The following ZFC3H1 variants were observed in gnomAD, a reference collection of about 807,000 sequenced individuals.
ZFC3H1 encodes zinc finger C3H1-type containing, also known as zinc finger C3H1 domain-containing protein.
In ZFC3H1, 71 loss-of-function variants were observed where a neutral mutation model predicts 243.7. The observed-to-expected ratio is 0.29, with a 90% CI of 0.24 to 0.36. The LOEUF (loss-of-function observed/expected upper bound fraction) is 0.36. Ranked by LOEUF, ZFC3H1 falls within the 10% of genes least tolerant of loss-of-function variation. The pLI, the probability that ZFC3H1 is intolerant of heterozygous loss-of-function variation, is 1.00. For missense variants in ZFC3H1, 1,966 were observed against 2,317.1 expected, an observed-to-expected ratio of 0.85 and a Z score of 3.11; for synonymous variants, 838 against 813.0, an observed-to-expected ratio of 1.03 and a Z score of -0.52.
rs1411856733 is a variant in ZFC3H1 at position 71,644,884 on chromosome 12, GCTAA to G, written c.1268_1271del (p.Val423AlafsTer8). On this transcript the variant is annotated frameshift_variant, in exon 4 of 35. Transcript: ENST00000378743. LOFTEE classifies it high-confidence loss of function. ...TTTAATAAAAATGATCACCTGTAGTGCTAACTTTTTTGGCCGAATGTGTTTTTGT... is the reference window on the plus strand; with the variant it reads ...TTTAATAAAAATGATCACCTGTAGTGCTTTTTTGGCCGAATGTGTTTTTGT... 4 of 1,611,056 alleles carry G rather than the reference GCTAA, an allele frequency of 2.5e-6. No homozygotes were observed. Among genetic ancestry groups the G allele is most frequent in the Non-Finnish European group, 1.7e-6 (2 of 1,179,740 alleles).
At chr12:71,613,191 T>C (rs1879814241) in intron 31 of ZFC3H1, 144 bp downstream of exon 31, 1 of 551,240 alleles carries the variant, frequency 1.8e-6, no homozygotes, top group African/African-American at 2.0e-5. Context: ...AAATATTGGC[T>C]TAACAACTCT....
intron 21 of ZFC3H1, 139 bp from the exon 22 acceptor site, chr12:71,626,585 G>A (rs1226879243): frequency 5.4e-6 from 4 of 746,266 alleles, no homozygotes; most frequent in South Asian, 5.7e-5. Context: ...TATGAAAAGG[G>A]GTACTAGATT....
At chr12:71,611,436 G>A (rs1879766952) in intron 32 of ZFC3H1, 1 of 148,836 alleles carries the variant, frequency 6.7e-6, no homozygotes, top group Non-Finnish European at 1.4e-5. Flanking sequence ...AAAGAAAGAA[G>A]AAATCAGACT....
At position 71,663,789 on chromosome 12, in the gene ZFC3H1, G is replaced by C. The variant is rs932075083; in HGVS notation, c.-179C>G. ...CCAGCACCCCAGCTCTCTCTCGCCG[G>C]ACCGTCGCAACCCAGTTCCCTTTCC... On this transcript the variant is annotated 5_prime_UTR_variant, in exon 1 of 35. Coordinates refer to ENST00000378743, the MANE Select transcript of ZFC3H1 (RefSeq NM_144982.5). 10 of 689,888 alleles carry C rather than the reference G, an allele frequency of 1.4e-5. 1 individual carries two copies. In the Admixed American group the frequency reaches 2.9e-4, roughly 20 times the overall value. The allele number at this position is 689,888 out of a possible 1,614,324, so 42.7% of individuals were successfully genotyped here. A position where few individuals can be genotyped will look rare whatever the true frequency, so the allele number is the denominator to read the frequency against.
rs747986839 is a variant in ZFC3H1, at chr12:71,663,299, G to A, written c.312C>T (p.Tyr104=). ...ERGHLRGPSS[Y]RPKEPFRSHP... ...GAGACCGGAACGGTTCTTTGGGTCG[G>A]TAGCTGCTGGGTCCCCTGAGGTGGC... Residue 104 remains tyrosine (Y), a synonymous_variant, in exon 1 of 35, where the codon TAC becomes TAT. Transcript: ENST00000378743. The A allele has an allele frequency of 1.1e-5, 18 of 1,613,330 alleles. No homozygotes were observed.
rs538020425 is a variant in ZFC3H1, at chr12:71,610,560, G to T, written c.5838C>A (p.Leu1946=). ...TACCTCCTTCTGATGCTTCAAACAA[G>T]AGTTGCTGTAAAAGACAGGGAAGCA... ...PLCASLWKDQ[L]LFEASEGGKT... The change falls in exon 35 of 35, where the codon CTC becomes CTA. Residue 1946 remains leucine, a synonymous_variant. Coordinates refer to ENST00000378743, the MANE Select transcript of ZFC3H1 (RefSeq NM_144982.5). 683 of 1,613,166 alleles carry T rather than the reference G, an allele frequency of 4.2e-4. 18 individuals carry two copies. In the South Asian group the frequency reaches 6.9e-3, roughly 16 times the overall value.
At chr12:71,635,677 A>C (rs1880440706) in intron 9 of ZFC3H1, 97 bp from the exon 10 acceptor site, 9 of 1,233,018 alleles carry the variant, frequency 7.3e-6, no homozygotes, top group Non-Finnish European at 9.8e-6. Context: ...CCAAGTAGAC[A>C]GTCTATGGCT....
rs754967370 is a variant in ZFC3H1 at position 71,627,970 on chromosome 12, T to C, written c.3947-36A>G. ...AAAAAGTATTATTAGCTTCACATTTTCTTTAGTCCACAGATGCAAGAAAAA... is the reference window on the plus strand; with the variant it reads ...AAAAAGTATTATTAGCTTCACATTTCCTTTAGTCCACAGATGCAAGAAAAA... On this transcript the variant is annotated intron_variant, in intron 20 of 34. Transcript: ENST00000378743. 6 of 1,586,416 alleles carry C rather than the reference T, an allele frequency of 3.8e-6. No homozygotes were observed. The East Asian group carries it at 1.3e-4, about 36-fold the overall frequency.
At chr12:71,638,333 C>G in intron 7 of ZFC3H1, 85 bp downstream of exon 7, 3 of 1,347,438 alleles carry the variant, frequency 2.2e-6, no homozygotes. Flanking sequence ...TTTTTAAGCC[C>G]TCTTCAAACC....
chr12:71,643,076 C>G (rs1592597528), intron 5 of ZFC3H1, among the ~76,000 whole-genome samples: 1 of 152,096 alleles, frequency 6.6e-6, no homozygotes, highest in East Asian at 1.9e-4. Context: ...CACTCAGAGA[C>G]AGTTTATAAT....
chr12:71,648,577 T>C (rs1163275474), intron 2 of ZFC3H1, among the ~76,000 whole-genome samples: 4 of 152,136 alleles, frequency 2.6e-5, no homozygotes, highest in Non-Finnish European at 4.4e-5. Flanking sequence ...AAGTCTGGTG[T>C]TTTTACCATA....
chr12:71,619,016 G>A (rs1879960273), intron 27 of ZFC3H1, among the ~76,000 whole-genome samples: 1 of 152,106 alleles, frequency 6.6e-6, no homozygotes, highest in Non-Finnish European at 1.5e-5. Context: ...ATAATTAAGT[G>A]CTATAATATT....
At chr12:71,647,992 A>T (rs1413600748) in intron 2 of ZFC3H1, among the ~76,000 whole-genome samples, 179 bp from the exon 3 acceptor site, 1 of 152,242 alleles carries the variant, frequency 6.6e-6, no homozygotes, top group African/African-American at 2.4e-5. Context: ...ACAAACTCTT[A>T]TCAGCCTCAT....
chr12:71,627,410 T>C (rs1880197262), intron 21 of ZFC3H1, among the ~76,000 whole-genome samples: 1 of 152,226 alleles, frequency 6.6e-6, no homozygotes, highest in African/African-American at 2.4e-5. Context: ...ATAATTTTAT[T>C]AACAAACTAT....
intron 19 of ZFC3H1, 132 bp from the exon 20 acceptor site, chr12:71,629,169 T>A: frequency 2.2e-6 from 2 of 910,984 alleles, no homozygotes; most frequent in Non-Finnish European, 3.1e-6. Context: ...TTTTTTTTTT[T>A]TTTTGAGATG....
intron 18 of ZFC3H1, 106 bp from the exon 19 acceptor site, chr12:71,629,816 G>T: frequency 1.4e-6 from 1 of 692,020 alleles, no homozygotes; most frequent in Non-Finnish European, 2.5e-6. Context: ...CGATTATATG[G>T]TACTAGTCAA....
At chr12:71,636,399 T>C in intron 9 of ZFC3H1, 91 bp downstream of exon 9, 1 of 1,255,072 alleles carries the variant, frequency 8.0e-7, no homozygotes, top group Non-Finnish European at 1.1e-6. Flanking sequence ...TGTATATAAA[T>C]AAACCAAGGG....
intron 2 of ZFC3H1, among the ~76,000 whole-genome samples, chr12:71,651,961 A>G (rs181791884): frequency 1.3e-5 from 2 of 152,350 alleles, no homozygotes; most frequent in East Asian, 3.9e-4. Flanking sequence ...ACTGATATGG[A>G]TTACAAACAA....
chr12:71,655,892 T>G (rs576993654), intron 2 of ZFC3H1, among the ~76,000 whole-genome samples: 2 of 152,134 alleles, frequency 1.3e-5, no homozygotes, highest in African/African-American at 2.4e-5. Flanking sequence ...TCATTTGTAA[T>G]AGCCGAAAGT....
Sources: allele counts gnomAD v4.1 joint callset (sites outside exome capture counted in the v4.1 genomes callset), GRCh38; gene constraint gnomAD v4.1.1; transcripts MANE v1.5; gene names NCBI Gene and HGNC (gene_info 2026-07-23, HGNC 2026-07-21).